HS3ST2: variants seen among roughly 807,000 people sequenced by gnomAD.
HS3ST2 encodes heparan sulfate glucosamine 3-O-sulfotransferase 2.
HS3ST2 carries 17 observed loss-of-function variants against 26.3 expected under a neutral mutation model. The observed-to-expected ratio is 0.65, with a 90% CI of 0.44 to 0.97. The LOEUF (loss-of-function observed/expected upper bound fraction) is 0.97. Among genes scored for constraint, HS3ST2 ranks in the 50% least tolerant of loss-of-function variants. The pLI, the probability that HS3ST2 is intolerant of heterozygous loss-of-function variation, is 0.00. For synonymous variants in HS3ST2, 237 were observed against 219.2 expected (o/e 1.08, Z -0.72); for missense variants, 402 against 501.2 (o/e 0.80, Z 1.89).
chr16:22,894,587 G>A (rs1258919492), intron 1 of HS3ST2, among the ~76,000 whole-genome samples: 1 of 152,032 alleles, frequency 6.6e-6, no homozygotes, highest in Non-Finnish European at 1.5e-5. Context: ...TCTTTCCTAA[G>A]TCCAATGCCT....
intron 1 of HS3ST2, among the ~76,000 whole-genome samples, chr16:22,853,372 T>C (rs1901544979): frequency 6.6e-6 from 1 of 152,176 alleles, no homozygotes; most frequent in Admixed American, 6.5e-5. Flanking sequence ...TGTTGTTGGG[T>C]GTAACAGTTA....
Position 22,915,718 on chromosome 16 carries a change from C to A in HS3ST2, c.*156C>A. On this transcript the variant is annotated 3_prime_UTR_variant, in exon 2 of 2. Transcript: ENST00000261374. Reference sequence around the variant, plus strand: ...TTGGAACCAGGAAGCCCAGCTAAAGCCAAGAGACCAGAGAGTCCCTGCCAC... The same window carrying A: ...TTGGAACCAGGAAGCCCAGCTAAAGACAAGAGACCAGAGAGTCCCTGCCAC... 2.6e-6 allele frequency: 2 copies of A among 773,644 alleles called. No homozygotes were observed. The highest frequency in any genetic ancestry group is 4.1e-6 in the Non-Finnish European group (2 of 482,048). 47.9% of individuals were successfully genotyped at this position (773,644 alleles called of 1,614,324 possible).
At position 22,814,560 on chromosome 16, in the gene HS3ST2, C is replaced by G; in HGVS notation, c.-51C>G. On this transcript the variant is annotated 5_prime_UTR_variant, in exon 1 of 2. Transcript: ENST00000261374. The stretch of plus-strand genomic sequence containing the variant: ...CGACCGCAGGGCCACAGCAGCTCAG[C>G]CGCCGGTGCCCCCTCGGAAACCATG... 3 of 1,458,642 alleles carry G rather than the reference C, an allele frequency of 2.1e-6. No individual in the cohort carries two copies. Among genetic ancestry groups the G allele is most frequent in the Non-Finnish European group, 2.7e-6 (3 of 1,113,580 alleles). The allele number at this position is 1,458,642 out of a possible 1,614,324, so 90.4% of individuals were successfully genotyped here. A position where few individuals can be genotyped will look rare whatever the true frequency, so the allele number is the denominator to read the frequency against.
chr16:22,904,510 C>A (rs879530351), intron 1 of HS3ST2, among the ~76,000 whole-genome samples: 2 of 152,084 alleles, frequency 1.3e-5, no homozygotes, highest in Non-Finnish European at 2.9e-5. Flanking sequence ...TAAAAAAACA[C>A]CTAACTCCTC....
intron 1 of HS3ST2, among the ~76,000 whole-genome samples, chr16:22,867,651 AAAAT>A (rs1347012992): frequency 1.3e-5 from 2 of 152,242 alleles, no homozygotes; most frequent in African/African-American, 4.8e-5. Flanking sequence ...AAAATGGAGC[AAAAT>A]AATGATAGCA....
At chr16:22,836,505 C>T (rs1354376591) in intron 1 of HS3ST2, among the ~76,000 whole-genome samples, 1 of 152,144 alleles carries the variant, frequency 6.6e-6, no homozygotes, top group Non-Finnish European at 1.5e-5. Context: ...TGTTTACTGG[C>T]TCTGGTCCTG....
At chr16:22,849,707 C>T (rs548083550) in intron 1 of HS3ST2, among the ~76,000 whole-genome samples, 84 of 152,302 alleles carry the variant, frequency 5.5e-4, no homozygotes, top group Admixed American at 1.1e-3. Flanking sequence ...TGCCTGGAGG[C>T]AGCTTCAGGC....
At chr16:22,837,119 G>T (rs1596609034) in intron 1 of HS3ST2, among the ~76,000 whole-genome samples, 2 of 147,124 alleles carry the variant, frequency 1.4e-5, no homozygotes, top group Non-Finnish European at 3.0e-5. Context: ...TGCCTATACA[G>T]TTTTTTTTTT....
chr16:22,870,282 G>C, intron 1 of HS3ST2, among the ~76,000 whole-genome samples: 1 of 152,100 alleles, frequency 6.6e-6, no homozygotes, highest in South Asian at 2.1e-4. Context: ...TGTGGGGGCA[G>C]GAATAATTCC....
intron 1 of HS3ST2, among the ~76,000 whole-genome samples, chr16:22,897,589 T>C (rs1248339385): frequency 6.6e-6 from 1 of 152,258 alleles, no homozygotes; most frequent in Non-Finnish European, 1.5e-5. Context: ...TCCTAAACGA[T>C]GAAGTTGGTT....
At chr16:22,849,386 G>A (rs963402375) in intron 1 of HS3ST2, among the ~76,000 whole-genome samples, 1 of 152,178 alleles carries the variant, frequency 6.6e-6, no homozygotes, top group Admixed American at 6.5e-5. Flanking sequence ...ATACAGAAAT[G>A]TTACAGCTCA....
chr16:22,826,730 C>T (rs1901091962), intron 1 of HS3ST2, among the ~76,000 whole-genome samples: 1 of 152,084 alleles, frequency 6.6e-6, no homozygotes, highest in South Asian at 2.1e-4. Flanking sequence ...ACAAACTTGT[C>T]CACCCCTTTA....
At chr16:22,873,087 A>G (rs191542258) in intron 1 of HS3ST2, among the ~76,000 whole-genome samples, 1 of 152,364 alleles carries the variant, frequency 6.6e-6, no homozygotes, top group African/African-American at 2.4e-5. Context: ...GGATTAAATT[A>G]TTCACATAAA....
At chr16:22,868,460 T>A (rs1215998772) in intron 1 of HS3ST2, among the ~76,000 whole-genome samples, 1 of 141,284 alleles carries the variant, frequency 7.1e-6, no homozygotes, top group Admixed American at 7.0e-5. Context: ...ACACTGTTAA[T>A]ACTGTTTGTC....
chr16:22,888,378 T>TC, intron 1 of HS3ST2, among the ~76,000 whole-genome samples: 1 of 87,016 alleles, frequency 1.1e-5, no homozygotes, highest in Middle Eastern at 5.1e-3. Context: ...CTTTTCTTTT[T>TC]TTTTTTTTTT....
chr16:22,822,302 A>G (rs1055665237), intron 1 of HS3ST2, among the ~76,000 whole-genome samples: 5 of 152,072 alleles, frequency 3.3e-5, no homozygotes, highest in African/African-American at 1.2e-4. Context: ...AGTAGCTAGG[A>G]CTACAGGTGT....
intron 1 of HS3ST2, among the ~76,000 whole-genome samples, chr16:22,908,859 G>C (rs752250779): frequency 6.6e-6 from 1 of 152,076 alleles, no homozygotes; most frequent in Non-Finnish European, 1.5e-5. Context: ...TCAAACGATC[G>C]CAAGAGGCCA....
At chr16:22,865,911 G>A (rs1901743292) in intron 1 of HS3ST2, among the ~76,000 whole-genome samples, 1 of 152,122 alleles carries the variant, frequency 6.6e-6, no homozygotes, top group Non-Finnish European at 1.5e-5. Flanking sequence ...AAGCACTATA[G>A]TGGGTCAAAA....
intron 1 of HS3ST2, among the ~76,000 whole-genome samples, chr16:22,878,092 T>G (rs898811983): frequency 2.0e-5 from 3 of 152,016 alleles, no homozygotes; most frequent in Non-Finnish European, 4.4e-5. Flanking sequence ...CAAAGGAGAG[T>G]GTCTAAGATA....
Sources: allele counts gnomAD v4.1 joint callset (sites outside exome capture counted in the v4.1 genomes callset), GRCh38; gene constraint gnomAD v4.1.1; transcripts MANE v1.5; gene names NCBI Gene and HGNC (gene_info 2026-07-23, HGNC 2026-07-21).